The following NPR3 variants were observed in gnomAD, a reference collection of about 807,000 sequenced individuals.
NPR3 encodes natriuretic peptide receptor 3.
NPR3 carries 34 observed loss-of-function variants against 54.5 expected under a neutral mutation model. The observed-to-expected ratio is 0.62, with a 90% CI of 0.47 to 0.83. The LOEUF is 0.83. Ranked by LOEUF, NPR3 falls within the 40% of genes least tolerant of loss-of-function variation. The pLI is 0.00. For missense variants in NPR3, 674 were observed against 720.8 expected (o/e 0.94, Z 0.74); for synonymous variants, 289 against 297.1 (o/e 0.97, Z 0.28).
At chr5:32,691,258 G>A (rs957402932) in intron 1 of NPR3, among the ~76,000 whole-genome samples, 5 of 152,188 alleles carry the variant, frequency 3.3e-5, no homozygotes, top group African/African-American at 4.8e-5. Context: ...CGGTTTTAGC[G>A]AGCACTTGTT....
chr5:32,777,716 T>C, intron 4 of NPR3, among the ~76,000 whole-genome samples: 1 of 152,184 alleles, frequency 6.6e-6, no homozygotes, highest in Admixed American at 6.5e-5. Flanking sequence ...CTCTAGTGGA[T>C]GCCATGTCTT....
chr5:32,701,182 G>A (rs1737779547), intron 1 of NPR3, among the ~76,000 whole-genome samples: 1 of 151,928 alleles, frequency 6.6e-6, no homozygotes, highest in South Asian at 2.1e-4. Flanking sequence ...TCTGCTGGCT[G>A]TTTTTTTATT....
chr5:32,724,796 GAGCTCTTCAAC>G lies in NPR3; in HGVS notation c.877_887del (p.Asn293LeufsTer15). The G allele has an allele frequency of 6.2e-7, 1 of 1,613,872 alleles. No homozygotes were observed. The highest frequency in any genetic ancestry group is 2.2e-5 in the East Asian group (1 of 44,886). ...TGGAGACTACGCCTTCTTCAACATT[GAGCTCTTCAAC>G]AGCTCTTCCTATGGTAACTCTGCTT... On this transcript the variant is annotated frameshift_variant, in exon 2 of 8. Transcript: ENST00000265074. LOFTEE classifies it high-confidence loss of function.
At chr5:32,778,045 C>T (rs533825304) in intron 4 of NPR3, among the ~76,000 whole-genome samples, 50 of 152,086 alleles carry the variant, frequency 3.3e-4, no homozygotes, top group South Asian at 8.3e-4. Context: ...TGCTGGAGGG[C>T]GCCACTGAGG....
In NPR3 at chr5:32,712,278, G is replaced by A; in HGVS notation, c.502G>A (p.Asp168Asn). ...GCTGGCCGCTGGCTTCCAGCACAAG[G>A]ACTCTGAGTACTCGCACCTCACGCG... ...GALAAGFQHK[D>N]SEYSHLTRVA... Residue 168 changes from aspartate (D) to asparagine (N), a missense_variant, in exon 1 of 8, where the codon GAC (aspartate) becomes AAC (asparagine). Transcript: ENST00000265074. 5 of 1,613,060 alleles carry A rather than the reference G, an allele frequency of 3.1e-6. No individual in the cohort carries two copies. The highest frequency in any genetic ancestry group is 4.2e-6 in the Non-Finnish European group (5 of 1,179,782).
rs192784139 is a variant in NPR3, at chr5:32,780,877, C to T, written c.1290+61C>T. 2,399 of 769,316 alleles carry T rather than the reference C, an allele frequency of 3.1e-3. 7 individuals are homozygous for T. The highest frequency in any genetic ancestry group is 4.2e-3 in the Non-Finnish European group (1,822 of 434,284). 47.7% of individuals were successfully genotyped at this position (769,316 alleles called of 1,614,324 possible). ...CTGCTCGTGGGGACTCTGAGGAATG[C>T]ATTTGTTCTGGTGGCCAAAGAGCTG... On this transcript the variant is annotated intron_variant, in intron 5 of 7. Transcript: ENST00000265074.
chr5:32,740,207 TTCTGAGTCTAGATCTAG>T (rs1416253333), intron 3 of NPR3, among the ~76,000 whole-genome samples: 1 of 152,236 alleles, frequency 6.6e-6, no homozygotes, highest in Non-Finnish European at 1.5e-5. Flanking sequence ...CAGAGCTGCC[TTCTGAGTCTAGATCTAG>T]CACTTCTGAG....
Position 32,711,501 on chromosome 5 carries a change from GTA to G in NPR3, c.-266_-265del, listed in dbSNP as rs886067874. 4.6e-5 allele frequency: 53 copies of G among 1,144,648 alleles called. No homozygotes were observed. In the African/African-American group the frequency reaches 5.4e-4, roughly 12 times the overall value. 70.9% of individuals were successfully genotyped at this position (1,144,648 alleles called of 1,614,324 possible). On this transcript the variant is annotated 5_prime_UTR_variant, in exon 1 of 8. The change creates a new upstream start codon in the 5' untranslated region. Transcript: ENST00000265074. ...ATAAACGGAGGGCGAATATATACAA[GTA>G]TATATATATGTATATTACAGACGCA...
At chr5:32,776,109 C>T (rs1173517556) in intron 4 of NPR3, among the ~76,000 whole-genome samples, 2 of 152,138 alleles carry the variant, frequency 1.3e-5, no homozygotes, top group African/African-American at 4.8e-5. Flanking sequence ...AGCCTTCTGC[C>T]AGCACATATG....
chr5:32,771,798 A>G (rs1189470651), intron 3 of NPR3, among the ~76,000 whole-genome samples: 4 of 152,170 alleles, frequency 2.6e-5, no homozygotes, highest in African/African-American at 4.8e-5. Flanking sequence ...GAGGAGAGCA[A>G]TGAATGCTCT....
At chr5:32,739,782 C>A (rs949032982) in intron 3 of NPR3, among the ~76,000 whole-genome samples, 1 of 152,200 alleles carries the variant, frequency 6.6e-6, no homozygotes, top group Non-Finnish European at 1.5e-5. Flanking sequence ...TTTCTTAGAA[C>A]AGGATGAGTG....
chr5:32,771,146 G>A (rs989079129), intron 3 of NPR3, among the ~76,000 whole-genome samples: 6 of 151,880 alleles, frequency 4.0e-5, no homozygotes, highest in Non-Finnish European at 7.4e-5. Flanking sequence ...TAAAAATCGC[G>A]TGTAGATGTG....
At chr5:32,707,162 A>T (rs1738018885), upstream of NPR3, among the ~76,000 whole-genome samples, 1 of 152,192 alleles carries the variant, frequency 6.6e-6, no homozygotes, top group East Asian at 1.9e-4. Context: ...AACATCTTCA[A>T]AGAAGTGAAA....
At chr5:32,745,843 T>A (rs1740268138) in intron 3 of NPR3, among the ~76,000 whole-genome samples, 1 of 152,204 alleles carries the variant, frequency 6.6e-6, no homozygotes, top group Non-Finnish European at 1.5e-5. Context: ...CCATCATTCC[T>A]TTGATAATCA....
rs776440252 is a variant in NPR3, at chr5:32,712,127, G to T, written c.351G>T (p.Val117=). Residue 117 remains valine (V), a synonymous_variant, in exon 1 of 8, where the codon GTG becomes GTT. Transcript: ENST00000265074. The stretch of plus-strand genomic sequence containing the variant: ...GGAACCGTGCGCTCTTCAGCTTGGT[G>T]GACCGCGTGGCGGCGGCGCGGGGCG... ...DCGNRALFSL[V]DRVAAARGAK... 2 of 1,613,664 alleles carry T rather than the reference G, an allele frequency of 1.2e-6. No homozygotes were observed. Among genetic ancestry groups the T allele is most frequent in the Non-Finnish European group, 1.7e-6 (2 of 1,179,812 alleles).
chr5:32,776,593 C>T (rs900448318), intron 4 of NPR3, among the ~76,000 whole-genome samples: 1 of 152,144 alleles, frequency 6.6e-6, no homozygotes, highest in African/African-American at 2.4e-5. Context: ...TGAAAATGAA[C>T]ATGAAACTCA....
At position 32,780,729 on chromosome 5, in the gene NPR3, C is replaced by A; in HGVS notation, c.1203C>A (p.Ala401=). The A allele has an allele frequency of 6.6e-7, 1 of 1,518,420 alleles. No homozygotes were observed. The highest frequency in any genetic ancestry group is 9.1e-7 in the Non-Finnish European group (1 of 1,092,974). 94.1% of individuals were successfully genotyped at this position (1,518,420 alleles called of 1,614,324 possible). A position where few individuals can be genotyped will look rare whatever the true frequency, so the allele number is the denominator to read the frequency against. ...TCGCTTCTGGTCCTGTAGGTATCGC[C>A]GGGCAGGTGTCCATAGATGCCAACG... is the stretch of plus-strand genomic sequence containing the variant. ...QTWNRTFEGI[A]GQVSIDANGD... is the part of the protein sequence containing the mutation. The change falls in exon 5 of 8, where the codon GCC becomes GCA. Residue 401 remains alanine, a synonymous_variant. Coordinates refer to ENST00000265074, the MANE Select transcript of NPR3 (RefSeq NM_001204375.2).
At chr5:32,756,790 A>G (rs1192648698) in intron 3 of NPR3, among the ~76,000 whole-genome samples, 3 of 152,216 alleles carry the variant, frequency 2.0e-5, no homozygotes, top group Non-Finnish European at 1.5e-5. Flanking sequence ...ATAAGGTGTA[A>G]GGAAGTGATC....
At chr5:32,723,856 T>TTCTCCCCTCCTCTCACCTCCTCTCC (rs1215042804) in intron 1 of NPR3, among the ~76,000 whole-genome samples, 400 of 151,890 alleles carry the variant, frequency 2.6e-3, no homozygotes, top group Middle Eastern at 6.9e-3. Flanking sequence ...TTCTCCCCTC[T>TTCTCCCCTCCTCTCACCTCCTCTCC]TCTCCCCTCC....
Sources: gnomAD v4.1 joint callset for allele counts (sites outside exome capture counted in the v4.1 genomes callset) on GRCh38, gnomAD v4.1.1 for gene constraint, MANE v1.5 for transcripts, NCBI Gene and HGNC (gene_info 2026-07-23, HGNC 2026-07-21) for gene names.